Variants in TRPM3 observed in about 807,000 individuals in gnomAD.
TRPM3 encodes transient receptor potential cation channel subfamily M member 3.
A neutral mutation model predicts 181.2 loss-of-function variants in TRPM3; 77 were observed. The ratio of observed to expected loss-of-function variants is 0.42; its 90% CI spans 0.35 to 0.51. The LOEUF (loss-of-function observed/expected upper bound fraction) is 0.51, where lower values mean the gene tolerates loss of function less well. Among genes scored for constraint, TRPM3 ranks in the 20% least tolerant of loss-of-function variants. The pLI is 0.01. For missense variants in TRPM3, 1,759 were observed against 2,196.7 expected (o/e 0.80, Z 3.98); for synonymous variants, 745 against 796.4 (o/e 0.94, Z 1.09).
At chr9:70,748,701 C>G (rs1240903690) in intron 8 of TRPM3, among the ~76,000 whole-genome samples, 1 of 152,060 alleles carries the variant, frequency 6.6e-6, no homozygotes, top group Non-Finnish European at 1.5e-5. Context: ...TGGGCCCTAA[C>G]CAGATACTGA....
chr9:71,161,859 T>A (rs1192640480), intron 1 of TRPM3, among the ~76,000 whole-genome samples: 1 of 152,172 alleles, frequency 6.6e-6, no homozygotes, highest in African/African-American at 2.4e-5. Context: ...TATATTCATA[T>A]TACTGAGTTA....
intron 1 of TRPM3, among the ~76,000 whole-genome samples, chr9:71,304,940 G>C (rs2087128520): frequency 6.6e-6 from 1 of 152,136 alleles, no homozygotes; most frequent in Admixed American, 6.5e-5. Context: ...CAAGAAAATA[G>C]TTCCCACTAG....
chr9:71,130,479 C>T (rs911363117), intron 1 of TRPM3, among the ~76,000 whole-genome samples: 11 of 152,074 alleles, frequency 7.2e-5, no homozygotes, highest in African/African-American at 2.7e-4. Flanking sequence ...TATATGGTTA[C>T]AGGGATTATT....
At chr9:70,588,221 T>C (rs758465654) in intron 22 of TRPM3, among the ~76,000 whole-genome samples, 6 of 152,178 alleles carry the variant, frequency 3.9e-5, no homozygotes, top group Non-Finnish European at 7.3e-5. Context: ...TTATTGATCT[T>C]ATCGATCTTT....
chr9:71,226,903 T>G (rs747534241), intron 1 of TRPM3, among the ~76,000 whole-genome samples: 3 of 151,614 alleles, frequency 2.0e-5, no homozygotes, highest in Admixed American at 6.6e-5. Flanking sequence ...CCTATAAATA[T>G]TTATAGAACA....
At chr9:70,546,705 A>G (rs548576480) in intron 25 of TRPM3, among the ~76,000 whole-genome samples, 1 of 151,928 alleles carries the variant, frequency 6.6e-6, no homozygotes, top group East Asian at 1.9e-4. Flanking sequence ...GCCAGTCACC[A>G]ATGTTGCATA....
intron 1 of TRPM3, among the ~76,000 whole-genome samples, chr9:70,944,583 G>T (rs534391653): frequency 6.6e-6 from 1 of 152,182 alleles, no homozygotes; most frequent in African/African-American, 2.4e-5. Flanking sequence ...CCCCCTTCTA[G>T]ACTTAATGGG....
chr9:70,574,196 T>G (rs1022982098), intron 22 of TRPM3, among the ~76,000 whole-genome samples: 1 of 152,128 alleles, frequency 6.6e-6, no homozygotes, highest in Non-Finnish European at 1.5e-5. Flanking sequence ...GTTTTCCCAG[T>G]GAATTAGGAG....
At chr9:71,301,687 T>A (rs950019249) in intron 1 of TRPM3, among the ~76,000 whole-genome samples, 5 of 152,156 alleles carry the variant, frequency 3.3e-5, no homozygotes, top group Non-Finnish European at 7.4e-5. Flanking sequence ...ATGATTTTTG[T>A]GTTTGGCAAT....
chr9:70,549,392 ATGTTC>A (rs746988415), intron 25 of TRPM3, 145 bp downstream of exon 25: 85 of 991,658 alleles, frequency 8.6e-5, no homozygotes, highest in Non-Finnish European at 1.2e-4. Context: ...ACTTTGGGCA[ATGTTC>A]TGTTCTCTCA....
intron 20 of TRPM3, among the ~76,000 whole-genome samples, chr9:70,601,175 G>A (rs528542726): frequency 4.9e-4 from 74 of 152,284 alleles, no homozygotes; most frequent in Non-Finnish European, 8.5e-4. Context: ...CCTGTGCAGT[G>A]GGACGTCATC....
chr9:71,282,048 C>T (rs1252249172), intron 1 of TRPM3, among the ~76,000 whole-genome samples: 3 of 113,030 alleles, frequency 2.7e-5, no homozygotes, highest in African/African-American at 1.1e-4. Flanking sequence ...GCAACAAGGG[C>T]AAAACAGAAA....
chr9:71,280,523 G>T (rs1400397879), intron 1 of TRPM3, among the ~76,000 whole-genome samples: 1 of 148,028 alleles, frequency 6.8e-6, no homozygotes, highest in South Asian at 2.1e-4. Flanking sequence ...GAAAAAAAAA[G>T]AAAAGAAAAG....
intron 19 of TRPM3, among the ~76,000 whole-genome samples, chr9:70,609,907 T>TA (rs111684042): frequency 0.01 from 1,460 of 144,860 alleles, 21 homozygotes; most frequent in African/African-American, 0.032. Flanking sequence ...AAGCTCATCT[T>TA]AAAAAAAAAA....
chr9:71,106,082 C>G lies in TRPM3; in HGVS notation c.177+15096G>C, dbSNP rs1034213400. Among the ~76,000 whole-genome samples the G allele has an allele frequency of 2.0e-5, 3 of 152,238 alleles. 1 individual carries two copies. Among genetic ancestry groups the G allele is most frequent in the Non-Finnish European group, 4.4e-5 (3 of 68,014 alleles). ...ACTTAAGTAGGATACCTGTTAGCAGCTTTTACAGGATGGTGGAGGATGACT... is the reference window on the plus strand; with the variant it reads ...ACTTAAGTAGGATACCTGTTAGCAGGTTTTACAGGATGGTGGAGGATGACT... On this transcript the variant is annotated intron_variant, in intron 1 of 25. Transcript: ENST00000677713.
chr9:71,173,980 T>A (rs946568289), intron 1 of TRPM3, among the ~76,000 whole-genome samples: 9 of 152,162 alleles, frequency 5.9e-5, no homozygotes, highest in Non-Finnish European at 4.4e-5. Context: ...TCATCTGCAA[T>A]ACAGTGTACT....
intron 1 of TRPM3, among the ~76,000 whole-genome samples, chr9:70,893,026 A>G (rs2096234345): frequency 6.6e-6 from 1 of 152,188 alleles, no homozygotes; most frequent in Admixed American, 6.5e-5. Context: ...AGCAAGCACA[A>G]AGCACTATCT....
chr9:71,164,477 G>C (rs1182649051), intron 1 of TRPM3, among the ~76,000 whole-genome samples: 2 of 152,140 alleles, frequency 1.3e-5, no homozygotes, highest in African/African-American at 4.8e-5. Context: ...CAGCCTGCTT[G>C]CGCTGTTGCT....
chr9:71,012,830 G>A (rs1215050821), intron 1 of TRPM3, among the ~76,000 whole-genome samples: 1 of 151,964 alleles, frequency 6.6e-6, no homozygotes, highest in African/African-American at 2.4e-5. Context: ...TATGTTATCA[G>A]TCAATACAGA....
Sources: allele counts gnomAD v4.1 joint callset (sites outside exome capture counted in the v4.1 genomes callset), GRCh38; gene constraint gnomAD v4.1.1; transcripts MANE v1.5; gene names NCBI Gene and HGNC (gene_info 2026-07-23, HGNC 2026-07-21).